Variants in COG3 observed in about 807,000 individuals in gnomAD.
The protein encoded by COG3 is component of oligomeric golgi complex 3.
COG3 carries 32 observed loss-of-function variants against 114.1 expected under a neutral mutation model. The observed-to-expected ratio is 0.28, with a 90% CI of 0.21 to 0.38. The LOEUF (loss-of-function observed/expected upper bound fraction) is 0.38. Ranked by LOEUF, COG3 falls within the 10% of genes least tolerant of loss-of-function variation. The pLI, the probability that COG3 is intolerant of heterozygous loss-of-function variation, is 1.00. For synonymous variants in COG3, 352 were observed against 365.7 expected, an observed-to-expected ratio of 0.96 and a Z score of 0.43; for missense variants, 813 against 973.2, an observed-to-expected ratio of 0.84 and a Z score of 2.19.
Position 45,465,177 on chromosome 13 carries a change from G to A in COG3, c.141G>A (p.Lys47=). ...DRQTDSVLEL[K]AAAENLPVPA... ...AGACGGACTCGGTATTGGAGCTGAA[G>A]GCGGCGGCAGAGAACTTGCCGGTGC... The change falls in exon 1 of 23, where the codon AAG becomes AAA. Residue 47 remains lysine (K), a synonymous_variant. Transcript: ENST00000349995. 6.2e-7 allele frequency: 1 copy of A among 1,613,760 alleles called. No individual in the cohort carries two copies. Among genetic ancestry groups the A allele is most frequent in the South Asian group, 1.1e-5 (1 of 91,080 alleles).
chr13:45,507,647 C>T (rs1566261845), intron 14 of COG3, among the ~76,000 whole-genome samples: 2 of 152,000 alleles, frequency 1.3e-5, no homozygotes, highest in African/African-American at 4.8e-5. Flanking sequence ...TGCCTGTAAT[C>T]CCAGCTACTC....
chr13:45,533,261 A>G (rs1593761892), intron 22 of COG3, among the ~76,000 whole-genome samples: 1 of 151,910 alleles, frequency 6.6e-6, no homozygotes, highest in East Asian at 1.9e-4. Flanking sequence ...ATGAATGTAG[A>G]TGTGGAGTAC....
At chr13:45,495,314 C>T (rs1356908848) in intron 12 of COG3, among the ~76,000 whole-genome samples, 2 of 151,794 alleles carry the variant, frequency 1.3e-5, no homozygotes, top group African/African-American at 4.8e-5. Flanking sequence ...TATCTTTAAC[C>T]CCCTGTCTTT....
At chr13:45,466,227 T>A (rs1157293294) in intron 1 of COG3, among the ~76,000 whole-genome samples, 1 of 152,084 alleles carries the variant, frequency 6.6e-6, no homozygotes, top group Non-Finnish European at 1.5e-5. Context: ...TTAGTAGAGA[T>A]GGGGTTTCGC....
At chr13:45,475,471 T>A (rs1885803962) in intron 1 of COG3, among the ~76,000 whole-genome samples, 1 of 152,128 alleles carries the variant, frequency 6.6e-6, no homozygotes, top group African/African-American at 2.4e-5. Flanking sequence ...CTCAAAGTGC[T>A]GGGATTACAG....
At chr13:45,530,825 G>T (rs770916961) in intron 22 of COG3, 45 bp downstream of exon 22, 1 of 1,583,436 alleles carries the variant, frequency 6.3e-7, no homozygotes, top group South Asian at 1.2e-5. Context: ...TGCCCTCTTG[G>T]TTATTTCACC....
intron 14 of COG3, among the ~76,000 whole-genome samples, chr13:45,507,411 G>C (rs2137872140): frequency 6.6e-6 from 1 of 152,012 alleles, no homozygotes; most frequent in South Asian, 2.1e-4. Flanking sequence ...GTGAGAGAGA[G>C]AGAAAAAAAA....
chr13:45,500,038 G>T (rs1205341502), intron 13 of COG3, among the ~76,000 whole-genome samples: 2 of 84,882 alleles, frequency 2.4e-5, no homozygotes, highest in Non-Finnish European at 4.4e-5. Flanking sequence ...ATATATATAT[G>T]TATGTGTGTG....
chr13:45,528,925 G>C (rs1872928288), intron 20 of COG3, among the ~76,000 whole-genome samples: 1 of 152,122 alleles, frequency 6.6e-6, no homozygotes, highest in African/African-American at 2.4e-5. Context: ...AATGCTAAAG[G>C]AAAAAGTATC....
At chr13:45,470,622 A>G (rs1037355867) in intron 1 of COG3, among the ~76,000 whole-genome samples, 13 of 152,232 alleles carry the variant, frequency 8.5e-5, no homozygotes, top group African/African-American at 3.1e-4. Context: ...CTTTCCCTCA[A>G]TGGTAACATT....
intron 9 of COG3, 143 bp from the exon 10 acceptor site, chr13:45,491,269 C>A: frequency 1.4e-6 from 1 of 723,150 alleles, no homozygotes; most frequent in Non-Finnish European, 2.2e-6. Context: ...GTCTGTATTT[C>A]TAGTATTAAA....
At chr13:45,469,256 T>A (rs578004587) in intron 1 of COG3, among the ~76,000 whole-genome samples, 63 of 152,354 alleles carry the variant, frequency 4.1e-4, no homozygotes, top group Non-Finnish European at 8.7e-4. Context: ...ATATCTGGAA[T>A]ATCTATAGTA....
At chr13:45,501,595 G>A (rs918690325) in intron 13 of COG3, among the ~76,000 whole-genome samples, 1 of 151,970 alleles carries the variant, frequency 6.6e-6, no homozygotes, top group East Asian at 1.9e-4. Context: ...TCCTAGAATC[G>A]ACCATTTCTT....
chr13:45,472,892 C>G (rs1036357841), intron 1 of COG3, among the ~76,000 whole-genome samples: 1 of 152,018 alleles, frequency 6.6e-6, no homozygotes, highest in East Asian at 1.9e-4. Context: ...TTTTTTGAGA[C>G]GGAGTCTCCC....
chr13:45,478,716 C>G (rs1190257460), intron 2 of COG3, among the ~76,000 whole-genome samples: 1 of 152,012 alleles, frequency 6.6e-6, no homozygotes, highest in Non-Finnish European at 1.5e-5. Flanking sequence ...CTCGAACTCC[C>G]GACCTCAGGT....
Position 45,496,309 on chromosome 13 carries a change from G to A in COG3, c.1485G>A (p.Met495Ile), listed in dbSNP as rs1440469453. The A allele has an allele frequency of 1.3e-6, 2 of 1,584,032 alleles. No homozygotes were observed. The highest frequency in any genetic ancestry group is 2.7e-5 in the African/African-American group (2 of 73,660). The change falls in exon 13 of 23, where the codon ATG becomes ATA. Residue 495 changes from methionine (M) to isoleucine (I), a missense_variant. Coordinates refer to ENST00000349995, the MANE Select transcript of COG3 (RefSeq NM_031431.4). ...DLAYPDKLVM[M>I]EQIAQSLKDE... ...CATATCCCGATAAGTTAGTCATGAT[G>A]GAGGTAGGATCTCCTTACTTGATCT...
intron 15 of COG3, among the ~76,000 whole-genome samples, chr13:45,510,650 ATAG>A (rs1357794796): frequency 6.6e-6 from 1 of 152,212 alleles, no homozygotes; most frequent in Non-Finnish European, 1.5e-5. Context: ...TTTTAGCTTA[ATAG>A]TAGGTAGGCC....
chr13:45,514,440 A>C (rs2985975), intron 16 of COG3, among the ~76,000 whole-genome samples: 151,993 of 152,286 alleles, frequency 1, 75,851 homozygotes, highest in Middle Eastern at 1. Context: ...GGATTACAGG[A>C]GTGAGCCACT....
intron 6 of COG3, among the ~76,000 whole-genome samples, 159 bp from the exon 7 acceptor site, chr13:45,483,071 T>C (rs558104940): frequency 6.6e-6 from 1 of 152,348 alleles, no homozygotes; most frequent in African/African-American, 2.4e-5. Flanking sequence ...ACTAAGACAG[T>C]CACAGTATTT....
Sources: allele counts gnomAD v4.1 joint callset (sites outside exome capture counted in the v4.1 genomes callset), GRCh38; gene constraint gnomAD v4.1.1; transcripts MANE v1.5; gene names NCBI Gene and HGNC (gene_info 2026-07-23, HGNC 2026-07-21).